The following DNAI7 variants were observed in gnomAD, a reference collection of about 807,000 sequenced individuals.
DNAI7 encodes cancer susceptibility 1.
In DNAI7, 78 loss-of-function variants were observed where a neutral mutation model predicts 86.6. That is an observed-to-expected ratio of 0.90 (90% CI 0.75 to 1.09). The LOEUF is 1.09. DNAI7 is among the 50% of genes least tolerant of loss of function. DNAI7 has a pLI of 0.00. For missense variants in DNAI7, 753 were observed against 810.2 expected (o/e 0.93, Z 0.86); for synonymous variants, 274 against 273.0 (o/e 1.00, Z -0.04).
At chr12:25,116,939 ATTT>A (rs1235158155) in intron 12 of DNAI7, among the ~76,000 whole-genome samples, 2 of 152,062 alleles carry the variant, frequency 1.3e-5, no homozygotes, top group Non-Finnish European at 2.9e-5. Flanking sequence ...TTTTTAACTT[ATTT>A]TTTATTTTTT....
chr12:25,183,438 G>T (rs1269554499), intron 2 of DNAI7, among the ~76,000 whole-genome samples: 6 of 151,932 alleles, frequency 3.9e-5, no homozygotes, highest in Admixed American at 3.9e-4. Context: ...CAAAAATCCT[G>T]ATCACCACAA....
chr12:25,133,649 T>C (rs1226644475), intron 9 of DNAI7, among the ~76,000 whole-genome samples: 2 of 152,244 alleles, frequency 1.3e-5, no homozygotes, highest in African/African-American at 2.4e-5. Flanking sequence ...TTATTCATAT[T>C]AGCATTTTCA....
intron 2 of DNAI7, among the ~76,000 whole-genome samples, chr12:25,189,335 T>A (rs1950302312): frequency 1.3e-5 from 2 of 152,198 alleles, no homozygotes; most frequent in Non-Finnish European, 2.9e-5. Flanking sequence ...CACGAATGCA[T>A]GTGCTATGAA....
At position 25,121,765 on chromosome 12, in the gene DNAI7, C is replaced by G. The variant is rs202188981; in HGVS notation, c.1227G>C (p.Trp409Cys). The G allele has an allele frequency of 6.3e-7, 1 of 1,598,404 alleles. No individual in the cohort carries two copies. The highest frequency in any genetic ancestry group is 8.5e-7 in the Non-Finnish European group (1 of 1,176,092). ...AGAATCAACCTACTTCCACAATCAT[C>G]CATCCCTTCACTGGTTTACACTGTG... ...LPPQCKPVKG[W>C]MIVEILKEGL... The change falls in exon 11 of 16, where the codon TGG becomes TGC. Residue 409 changes from tryptophan (W) to cysteine (C), a missense_variant. Transcript: ENST00000395987.
chr12:25,175,000 T>C (rs1948800313), intron 2 of DNAI7, among the ~76,000 whole-genome samples: 1 of 151,818 alleles, frequency 6.6e-6, no homozygotes, highest in African/African-American at 2.4e-5. Context: ...AGACTACAAA[T>C]ACGGTGCAGT....
At chr12:25,148,203 C>T (rs1362716905) in intron 7 of DNAI7, among the ~76,000 whole-genome samples, 1 of 152,132 alleles carries the variant, frequency 6.6e-6, no homozygotes, top group East Asian at 1.9e-4. Context: ...ATTGTTTCCT[C>T]ATGGCATTGT....
intron 6 of DNAI7, among the ~76,000 whole-genome samples, chr12:25,150,601 CAAAAAAAA>C (rs58511191): frequency 1.1e-5 from 1 of 89,008 alleles, no homozygotes; most frequent in Non-Finnish European, 2.1e-5. Context: ...GACTCTGTCT[CAAAAAAAA>C]AAAAAAAAAA....
intron 2 of DNAI7, among the ~76,000 whole-genome samples, chr12:25,167,363 C>G (rs908158814): frequency 3.3e-5 from 5 of 152,162 alleles, no homozygotes; most frequent in African/African-American, 1.2e-4. Flanking sequence ...ACTGGCAACT[C>G]TTAACTCCCT....
At chr12:25,178,783 C>T (rs1477503368) in intron 2 of DNAI7, among the ~76,000 whole-genome samples, 7 of 152,056 alleles carry the variant, frequency 4.6e-5, no homozygotes, top group Non-Finnish European at 8.8e-5. Flanking sequence ...GGATTGGCCT[C>T]ATGGAGAAGG....
At chr12:25,130,753 G>A (rs1188261966) in intron 9 of DNAI7, among the ~76,000 whole-genome samples, 2 of 152,012 alleles carry the variant, frequency 1.3e-5, no homozygotes, top group East Asian at 3.9e-4. Flanking sequence ...TCTCACAAAT[G>A]TGCTACACTT....
intron 15 of DNAI7, among the ~76,000 whole-genome samples, chr12:25,109,392 TG>T (rs1239571642): frequency 6.6e-6 from 1 of 151,168 alleles, no homozygotes; most frequent in East Asian, 1.9e-4. Flanking sequence ...CTCCATTTGT[TG>T]TTTTTTTTAA....
intron 11 of DNAI7, among the ~76,000 whole-genome samples, chr12:25,120,975 G>A (rs954533439): frequency 6.6e-6 from 1 of 152,148 alleles, no homozygotes; most frequent in Non-Finnish European, 1.5e-5. Flanking sequence ...CCAAAATTAT[G>A]CATTTCTTGC....
intron 2 of DNAI7, among the ~76,000 whole-genome samples, chr12:25,188,673 CAAAAAAAAAAA>C (rs71065918): frequency 5.7e-4 from 74 of 130,186 alleles, no homozygotes; most frequent in South Asian, 6.9e-4. Flanking sequence ...GACTCTGTCT[CAAAAAAAAAAA>C]AAAAAAAAAA....
chr12:25,152,612 T>A (rs530580127), intron 6 of DNAI7, among the ~76,000 whole-genome samples: 36 of 152,340 alleles, frequency 2.4e-4, no homozygotes, highest in Admixed American at 5.9e-4. Flanking sequence ...TCTCTGAGTT[T>A]TGTGAGCCAT....
intron 9 of DNAI7, among the ~76,000 whole-genome samples, chr12:25,129,231 T>C (rs554892247): frequency 6.6e-6 from 1 of 152,224 alleles, no homozygotes; most frequent in Non-Finnish European, 1.5e-5. Context: ...CCCAGTTTAA[T>C]CCTGTTTAAT....
chr12:25,115,109 T>C lies in DNAI7; in HGVS notation c.1397-239A>G, dbSNP rs1359252548. Among the ~76,000 whole-genome samples the C allele has an allele frequency of 4.6e-5, 7 of 152,192 alleles. No homozygotes were observed. The East Asian group carries it at 1.3e-3, about 29-fold the overall frequency. On this transcript the variant is annotated intron_variant, in intron 12 of 15. Transcript: ENST00000395987. ...TGACTCACTTTCTTGGCTCCATCCCTTGCCACTCCTCAAGGGAAAAAGTTT... is the reference window on the plus strand; with the variant it reads ...TGACTCACTTTCTTGGCTCCATCCCCTGCCACTCCTCAAGGGAAAAAGTTT...
intron 2 of DNAI7, among the ~76,000 whole-genome samples, chr12:25,183,368 T>C (rs1406538373): frequency 4.0e-5 from 6 of 151,880 alleles, no homozygotes; most frequent in Admixed American, 2.6e-4. Flanking sequence ...CGTGGGTATA[T>C]TGGGTAATGC....
chr12:25,110,136 G>A lies in DNAI7; in HGVS notation c.1884C>T (p.Val628=), dbSNP rs553170615. ...KWNLLCNSTK[V]VFKVREHLTE... is the part of the protein sequence containing the mutation. ...TTTCTACATATCATACCTTAAATAC[G>A]ACTTTTGTAGAATTACATAGTAGGT... Residue 628 remains valine (V), a synonymous_variant, in exon 15 of 16, where the codon GTC becomes GTT. Transcript: ENST00000395987. The A allele has an allele frequency of 6.4e-6, 10 of 1,569,750 alleles. No individual in the cohort carries two copies. Among genetic ancestry groups the A allele is most frequent in the Middle Eastern group, 1.7e-4 (1 of 5,988 alleles).
intron 7 of DNAI7, among the ~76,000 whole-genome samples, chr12:25,148,367 A>G (rs1388792279): frequency 1.3e-5 from 2 of 152,212 alleles, no homozygotes; most frequent in Admixed American, 6.5e-5. Flanking sequence ...TTCCACTATT[A>G]ATGATATGAA....
Sources: gnomAD v4.1 joint callset for allele counts (sites outside exome capture counted in the v4.1 genomes callset) on GRCh38, gnomAD v4.1.1 for gene constraint, MANE v1.5 for transcripts, NCBI Gene and HGNC (gene_info 2026-07-23, HGNC 2026-07-21) for gene names.